TMPRSS5: variants seen among roughly 807,000 people sequenced by gnomAD.
The protein encoded by TMPRSS5 is transmembrane protease serine 5.
In TMPRSS5, 45 loss-of-function variants were observed where a neutral mutation model predicts 59.7. The observed-to-expected ratio is 0.75, with a 90% CI of 0.59 to 0.97. TMPRSS5 has a LOEUF of 0.97. Ranked by LOEUF, TMPRSS5 falls within the 50% of genes least tolerant of loss-of-function variation. TMPRSS5 has a pLI of 0.00. For missense variants in TMPRSS5, 585 were observed against 596.7 expected (o/e 0.98, Z 0.20); for synonymous variants, 225 against 232.0 (o/e 0.97, Z 0.27).
In TMPRSS5 at chr11:113,691,005, G is replaced by A. The variant is rs11607690; in HGVS notation, c.965-66C>T. On this transcript the variant is annotated intron_variant, in intron 9 of 12. Coordinates refer to ENST00000299882, the MANE Select transcript of TMPRSS5 (RefSeq NM_030770.4). ...GCTTCCCCCACTGCAGAGCCTGGGC[G>A]AAGGACCCAGGACTGGCAAGTCCTC... The A allele has an allele frequency of 0.1, 149,195 of 1,450,350 alleles. 8,599 individuals are homozygous for A. Among genetic ancestry groups the A allele is most frequent in the Non-Finnish European group, 0.12 (124,773 of 1,060,022 alleles). The allele number at this position is 1,450,350 out of a possible 1,614,324, so 89.8% of individuals were successfully genotyped here.
intron 11 of TMPRSS5, 55 bp downstream of exon 11, chr11:113,690,176 G>GGGCCCCCC: frequency 2.6e-6 from 1 of 388,230 alleles, no homozygotes; most frequent in Non-Finnish European, 4.2e-6. Context: ...CAGGCCCCCT[G>GGGCCCCCC]CCCTCCCACC....
At position 113,689,868 on chromosome 11, in the gene TMPRSS5, A is replaced by G; in HGVS notation, c.1256T>C (p.Leu419Pro). 2.5e-6 allele frequency: 4 copies of G among 1,579,880 alleles called. No individual in the cohort carries two copies. Among genetic ancestry groups the G allele is most frequent in the Non-Finnish European group, 3.4e-6 (4 of 1,163,102 alleles). ...ACGCCCCCAGCTGACCACCCCCACTAGGCGCCATGTGTCCCCATCTGGGCA... is the reference window on the plus strand; with the variant it reads ...ACGCCCCCAGCTGACCACCCCCACTGGGCGCCATGTGTCCCCATCTGGGCA... ...LVCPDGDTWR[L>P]VGVVSWGRGC... Residue 419 changes from leucine (L) to proline (P), a missense_variant, in exon 12 of 13, where the codon CTA (leucine) becomes CCA (proline). Leu to Pro is a moderately conservative substitution (Grantham distance 98). Transcript: ENST00000299882.
chr11:113,694,561 G>C lies in TMPRSS5; in HGVS notation c.702C>G (p.Ser234Arg), dbSNP rs779529754. The C allele has an allele frequency of 3.0e-5, 47 of 1,549,256 alleles. No homozygotes were observed. Among genetic ancestry groups the C allele is most frequent in the Non-Finnish European group, 4.0e-5 (46 of 1,147,020 alleles). ...ACGTGTGCCGGAAGCCCAGGGCCAC[G>C]CTGGCCTGCCACGGCCAGCGCCCAG... ...VAPGRWPWQA[S>R]VALGFRHTCG... Residue 234 changes from serine (S) to arginine (R), a missense_variant, in exon 8 of 13, where the codon AGC becomes AGG. Physicochemically the swap from Ser to Arg is moderately radical, Grantham distance 110 (BLOSUM62 -1). Coordinates refer to ENST00000299882, the MANE Select transcript of TMPRSS5 (RefSeq NM_030770.4).
intron 12 of TMPRSS5, among the ~76,000 whole-genome samples, chr11:113,689,553 C>G (rs1025421257): frequency 6.6e-6 from 1 of 152,114 alleles, no homozygotes; most frequent in African/African-American, 2.4e-5. Flanking sequence ...GATACAAACT[C>G]AGGCATACTC....
intron 9 of TMPRSS5, 64 bp downstream of exon 9, chr11:113,693,004 TCCC>T: frequency 8.0e-7 from 1 of 1,255,768 alleles, no homozygotes; most frequent in Non-Finnish European, 1.1e-6. Flanking sequence ...CTCACCACTC[TCCC>T]ACCCAGCCCC....
intron 9 of TMPRSS5, among the ~76,000 whole-genome samples, chr11:113,691,276 G>T (rs1952772191): frequency 6.6e-6 from 1 of 152,206 alleles, no homozygotes; most frequent in South Asian, 2.1e-4. Flanking sequence ...AATGAGGACA[G>T]TGTTTCCAAA....
chr11:113,693,261 G>A lies in TMPRSS5; in HGVS notation c.786-12C>T. ...GGGCCAGCCTGAAACTGCACACAGG[G>A]GCCATGCTGAGCGGGGAAGGAAGGG... On this transcript the variant is annotated splice_polypyrimidine_tract_variant and intron_variant, in intron 8 of 12. Coordinates refer to ENST00000299882, the MANE Select transcript of TMPRSS5 (RefSeq NM_030770.4). The A allele has an allele frequency of 6.5e-7, 1 of 1,537,298 alleles. No homozygotes were observed.
chr11:113,700,010 T>C, intron 2 of TMPRSS5, 56 bp downstream of exon 2: 1 of 1,550,992 alleles, frequency 6.4e-7, no homozygotes, highest in South Asian at 1.2e-5. Flanking sequence ...GAATGTAGGA[T>C]GATTGCCCTC....
chr11:113,702,380 T>G (rs1374085357), intron 1 of TMPRSS5, among the ~76,000 whole-genome samples: 1 of 152,156 alleles, frequency 6.6e-6, no homozygotes, highest in Non-Finnish European at 1.5e-5. Context: ...CTCTTTGGAC[T>G]TGAGAGAGAT....
In TMPRSS5 at chr11:113,697,347, C is replaced by T; in HGVS notation, c.400G>A (p.Val134Ile). Residue 134 changes from valine to isoleucine, a missense_variant, in exon 5 of 13, where the codon GTC becomes ATC. Coordinates refer to ENST00000299882, the MANE Select transcript of TMPRSS5 (RefSeq NM_030770.4). ...QVRDQPRWLL[V>I]CHEGWSPALG... ...GCGGGGCTCCAGCCCTCATGGCAGA[C>T]CAGGAGCCAGCGTGGCTGATCCCTC... The T allele has an allele frequency of 6.2e-7, 1 of 1,613,820 alleles. No individual in the cohort carries two copies. Among genetic ancestry groups the T allele is most frequent in the East Asian group, 2.2e-5 (1 of 44,878 alleles).
chr11:113,698,529 G>A (rs1952991482), intron 4 of TMPRSS5, among the ~76,000 whole-genome samples: 1 of 152,090 alleles, frequency 6.6e-6, no homozygotes, highest in Admixed American at 6.6e-5. Context: ...GGAGAGTGGG[G>A]ATGAGGTGGG....
chr11:113,696,485 T>C (rs1381744061), intron 6 of TMPRSS5, among the ~76,000 whole-genome samples: 1 of 152,216 alleles, frequency 6.6e-6, no homozygotes, highest in African/African-American at 2.4e-5. Flanking sequence ...AGCACTTAGC[T>C]TGGAGACAGG....
At position 113,690,932 on chromosome 11, in the gene TMPRSS5, C is replaced by T; in HGVS notation, c.972G>A (p.Val324=). 2 of 1,585,814 alleles carry T rather than the reference C, an allele frequency of 1.3e-6. No individual in the cohort carries two copies. The highest frequency in any genetic ancestry group is 2.3e-5 in the East Asian group (1 of 43,330). ...CCTTGGCCGGCAGGCACACAGCGCC[C>T]ACAGTGTCTGTAGAGAGGCACATGG... The part of the protein sequence containing the change: ...LQTALNFSDT[V]GAVCLPAKEQ... The change falls in exon 10 of 13, where the codon GTG becomes GTA. Residue 324 remains valine (V), a synonymous_variant. Transcript: ENST00000299882.
At position 113,694,512 on chromosome 11, in the gene TMPRSS5, G is replaced by T; in HGVS notation, c.751C>A (p.Arg251Ser). Residue 251 changes from arginine (R) to serine (S), a missense_variant, in exon 8 of 13, where the codon CGC (arginine) becomes AGC (serine). Coordinates refer to ENST00000299882, the MANE Select transcript of TMPRSS5 (RefSeq NM_030770.4). ...CAATGTGCAGCAGTCACCACCCAGCGTGGCGCTAGCACAGAGCCCCCACAC... is the reference window on the plus strand; with the variant it reads ...CAATGTGCAGCAGTCACCACCCAGCTTGGCGCTAGCACAGAGCCCCCACAC... ...HTCGGSVLAP[R>S]WVVTAAHCMH... 2 of 1,567,206 alleles carry T rather than the reference G, an allele frequency of 1.3e-6. No homozygotes were observed. Among genetic ancestry groups the T allele is most frequent in the South Asian group, 2.4e-5 (2 of 84,996 alleles).
intron 7 of TMPRSS5, 38 bp from the exon 8 acceptor site, chr11:113,694,678 A>G: frequency 6.6e-7 from 1 of 1,507,146 alleles, no homozygotes; most frequent in Non-Finnish European, 8.9e-7. Context: ...AGAGAGAGAG[A>G]GGTGAGTGTC....
intron 1 of TMPRSS5, among the ~76,000 whole-genome samples, chr11:113,703,047 G>C (rs1450903103): frequency 6.6e-6 from 1 of 152,210 alleles, no homozygotes; most frequent in Admixed American, 6.5e-5. Context: ...GCTGTGAAAA[G>C]AAGGCCACCA....
In TMPRSS5 at chr11:113,700,167, C is replaced by G; in HGVS notation, c.5G>C (p.Ser2Thr). 6.4e-7 allele frequency: 1 copy of G among 1,560,352 alleles called. No homozygotes were observed. Among genetic ancestry groups the G allele is most frequent in the Non-Finnish European group, 8.7e-7 (1 of 1,150,798 alleles). Residue 2 changes from serine to threonine, a missense_variant and splice_region_variant, in exon 2 of 13, where the codon AGC becomes ACC. Coordinates refer to ENST00000299882, the MANE Select transcript of TMPRSS5 (RefSeq NM_030770.4). ...AGGGGGTTGGTCATCCAGCATCAGG[C>G]TCTGGGGAAATAAGGGCCAGACACC... M[S>T]LMLDDQPPME...
At chr11:113,702,396 A>C (rs939085459) in intron 1 of TMPRSS5, among the ~76,000 whole-genome samples, 1 of 152,200 alleles carries the variant, frequency 6.6e-6, no homozygotes, top group Non-Finnish European at 1.5e-5. Flanking sequence ...GAGATGATTT[A>C]GGGTATCTGG....
chr11:113,696,167 C>G (rs1251952000), intron 6 of TMPRSS5, among the ~76,000 whole-genome samples: 1 of 152,124 alleles, frequency 6.6e-6, no homozygotes, highest in Non-Finnish European at 1.5e-5. Flanking sequence ...TTCCTGAGCA[C>G]AGGAGCTGGA....
Sources: allele counts gnomAD v4.1 joint callset (sites outside exome capture counted in the v4.1 genomes callset), GRCh38; gene constraint gnomAD v4.1.1; transcripts MANE v1.5; gene names NCBI Gene and HGNC (gene_info 2026-07-23, HGNC 2026-07-21).